The following NLRP7 variants were observed in gnomAD, a reference collection of about 807,000 sequenced individuals.
NLRP7 encodes NACHT, LRR and PYD domains-containing protein 7.
A neutral mutation model predicts 85.5 loss-of-function variants in NLRP7; 72 were observed. The observed-to-expected ratio is 0.84, with a 90% CI of 0.70 to 1.02. NLRP7 has a LOEUF of 1.02. Among genes scored for constraint, NLRP7 ranks in the 50% least tolerant of loss-of-function variants. The pLI is 0.00. For missense variants in NLRP7, 1,243 were observed against 1,219.5 expected (o/e 1.02, Z -0.29); for synonymous variants, 550 against 505.2 (o/e 1.09, Z -1.19).
intron 1 of NLRP7, among the ~76,000 whole-genome samples, chr19:54,943,581 A>G (rs527705993): frequency 3.5e-4 from 51 of 144,566 alleles, no homozygotes; most frequent in Non-Finnish European, 7.1e-4. Flanking sequence ...AGCCTGGGCG[A>G]CAGAGCGAGA....
chr19:54,930,537 C>G, exon 9 of NLRP7: 1 of 1,611,260 alleles, frequency 6.2e-7, no homozygotes, highest in Non-Finnish European at 8.5e-7. Flanking sequence ...TCTCTAATGC[C>G]TGACAGAGAA....
At chr19:54,957,899 G>A (rs1456183120) in intron 1 of NLRP7, among the ~76,000 whole-genome samples, 2 of 152,110 alleles carry the variant, frequency 1.3e-5, no homozygotes, top group Admixed American at 1.3e-4. Context: ...TGTACAAAGT[G>A]AGACCCAGTC....
chr19:54,932,678 C>T (rs561386352), intron 8 of NLRP7, among the ~76,000 whole-genome samples: 3 of 151,816 alleles, frequency 2.0e-5, no homozygotes, highest in South Asian at 2.1e-4. Context: ...TTTCTTGAGA[C>T]GGAGTCTCAC....
intron 9 of NLRP7, among the ~76,000 whole-genome samples, chr19:54,929,059 CA>C (rs1343525458): frequency 1.1e-4 from 16 of 152,076 alleles, no homozygotes; most frequent in African/African-American, 2.7e-4. Context: ...AAATATTCCT[CA>C]GGGGGATGGG....
At chr19:54,950,121 A>G (rs943329433), upstream of NLRP7, among the ~76,000 whole-genome samples, 3 of 151,596 alleles carry the variant, frequency 2.0e-5, no homozygotes, top group Non-Finnish European at 4.4e-5. Flanking sequence ...AAACCAGGAA[A>G]GAGTTCAGAA....
chr19:54,940,826 C>CAAAAA, intron 3 of NLRP7, 105 bp downstream of exon 3: 3 of 759,208 alleles, frequency 4.0e-6, no homozygotes, highest in South Asian at 1.4e-5. Flanking sequence ...GATTCCGTCT[C>CAAAAA]AAAAAAAAAA....
chr19:54,953,523 G>A (rs78277837), intron 1 of NLRP7, among the ~76,000 whole-genome samples: 27,433 of 149,362 alleles, frequency 0.18, 2,809 homozygotes, highest in Middle Eastern at 0.23. Context: ...GTGTGGCGCC[G>A]GGCTGTCTGC....
Position 54,927,575 on chromosome 19 carries a change from AC to A in NLRP7, c.2810+2923del, listed in dbSNP as rs758639034. 13 of 315,000 alleles carry A rather than the reference AC, an allele frequency of 4.1e-5. No homozygotes were observed. In the South Asian group the frequency reaches 4.8e-4, roughly 12 times the overall value. The allele number at this position is 315,000 out of a possible 1,614,324, so 19.5% of individuals were successfully genotyped here. On this transcript the variant is annotated intron_variant, in intron 9 of 9. Coordinates refer to ENST00000340844, the Ensembl canonical transcript of NLRP7. Reference sequence around the variant, plus strand: ...CATCTCAAAAAAACAAAAACAAAAAACAAAACAAAACAAAACAAAAAACCCA... The same window carrying A: ...CATCTCAAAAAAACAAAAACAAAAAAAAAACAAAACAAAACAAAAAACCCA...
At chr19:54,946,338 A>G (rs1396018525) in intron 1 of NLRP7, among the ~76,000 whole-genome samples, 1 of 148,020 alleles carries the variant, frequency 6.8e-6, no homozygotes, top group Non-Finnish European at 1.5e-5. Context: ...CAGCCTCCCG[A>G]GTAGCTGGGA....
At chr19:54,923,568 G>A in exon 10 of NLRP7, 1 of 738,434 alleles carries the variant, frequency 1.4e-6, no homozygotes, top group South Asian at 1.5e-5. Context: ...GTCATGTGAA[G>A]GGGGTGCGTG....
upstream of NLRP7, among the ~76,000 whole-genome samples, chr19:54,950,068 C>T (rs966524187): frequency 2.6e-5 from 4 of 151,572 alleles, no homozygotes; most frequent in African/African-American, 9.7e-5. Flanking sequence ...CGCCACTGCA[C>T]TCCAGCCTGG....
Position 54,934,356 on chromosome 19 carries a change from C to G in NLRP7, c.2471+133G>C. ...TGCTGAGATTACAGGCAGGAGCCAC[C>G]GTGCCGGGCCTGAAGCAGGTGTTTA... is the stretch of plus-strand genomic sequence containing the variant. On this transcript the variant is annotated intron_variant, in intron 7 of 9. Transcript: ENST00000340844. This position sits in a 1 kb window ranked among gnomAD's most constrained non-coding sequence, Gnocchi z 6.7. The G allele has an allele frequency of 1.1e-6, 1 of 902,438 alleles. No individual in the cohort carries two copies. Among genetic ancestry groups the G allele is most frequent in the Non-Finnish European group, 1.9e-6 (1 of 535,652 alleles). 55.9% of individuals were successfully genotyped at this position (902,438 alleles called of 1,614,324 possible).
intron 1 of NLRP7, among the ~76,000 whole-genome samples, chr19:54,962,397 A>G (rs1274349765): frequency 6.7e-6 from 1 of 149,032 alleles, no homozygotes; most frequent in Non-Finnish European, 1.5e-5. Context: ...CCTCCAGAAT[A>G]GCTGGAATTA....
At chr19:54,955,157 G>A (rs1459334280) in intron 1 of NLRP7, among the ~76,000 whole-genome samples, 1 of 151,494 alleles carries the variant, frequency 6.6e-6, no homozygotes, top group African/African-American at 2.4e-5. Context: ...GAGAAACCCC[G>A]TCTCTACTAA....
chr19:54,939,682 C>T lies in NLRP7; in HGVS notation c.1137G>A (p.Lys379=), dbSNP rs10418277. The T allele has an allele frequency of 0.21, 340,410 of 1,612,666 alleles. 36,759 individuals are homozygous for T. The highest frequency in any genetic ancestry group is 0.29 in the Admixed American group (17,287 of 59,924). ...GGCAGGTGGGGACCGGGTCCTCCCC[C>T]TTCTCCATCTGCAGCTTCAGAGTCG... The change falls in exon 4 of 10, where the codon AAG becomes AAA. Residue 379 remains lysine (K), a synonymous_variant. Coordinates refer to ENST00000340844, the Ensembl canonical transcript of NLRP7.
At position 54,930,110 on chromosome 19, in the gene NLRP7, C is replaced by T. The variant is rs535523175; in HGVS notation, c.2810+389G>A. Among the ~76,000 whole-genome samples, 11 of 107,146 alleles carry T rather than the reference C, an allele frequency of 1.0e-4. 1 individual carries two copies. Among genetic ancestry groups the T allele is most frequent in the African/African-American group, 2.6e-4 (7 of 26,510 alleles). The allele number at this position is 107,146 out of a possible 152,430, so 70.3% of individuals were successfully genotyped here. ...AGCCTGGGCAACTAGAACGAGGCTC[C>T]GTCTCAAAAAAAAAAAAAAAAAAAG... is the stretch of plus-strand genomic sequence containing the variant. On this transcript the variant is annotated intron_variant, in intron 9 of 9. Coordinates refer to ENST00000340844, the Ensembl canonical transcript of NLRP7.
chr19:54,938,306 A>T, intron 4 of NLRP7, 65 bp from the exon 5 acceptor site: 2 of 1,358,800 alleles, frequency 1.5e-6, no homozygotes, highest in Admixed American at 1.7e-5. Flanking sequence ...GCATCTGCAA[A>T]CCACATTTCA....
At chr19:54,938,310 C>T (rs1449685902) in intron 4 of NLRP7, 69 bp from the exon 5 acceptor site, 2 of 1,301,020 alleles carry the variant, frequency 1.5e-6, no homozygotes, top group Non-Finnish European at 1.1e-6. Flanking sequence ...CTGCAAACCA[C>T]ATTTCAATGG....
chr19:54,951,774 G>C (rs746121496), upstream of NLRP7, among the ~76,000 whole-genome samples: 23 of 149,396 alleles, frequency 1.5e-4, no homozygotes, highest in Non-Finnish European at 3.0e-4. Context: ...TTTTTGAGAC[G>C]GAGTCTCGCT....
Sources: allele counts gnomAD v4.1 joint callset (sites outside exome capture counted in the v4.1 genomes callset), GRCh38; gene constraint gnomAD v4.1.1; non-coding constraint Gnocchi (gnomAD v3.1); transcripts MANE v1.5; gene names NCBI Gene and HGNC (gene_info 2026-07-23, HGNC 2026-07-21).